Variants in CDK19 observed in about 807,000 individuals in gnomAD.
The protein encoded by CDK19 is cyclin-dependent kinase 19.
In CDK19, 20 loss-of-function variants were observed where a neutral mutation model predicts 68.3. That is an observed-to-expected ratio of 0.29 (90% CI 0.21 to 0.43). The LOEUF (loss-of-function observed/expected upper bound fraction) is 0.43, where lower values mean the gene tolerates loss of function less well. Ranked by LOEUF, CDK19 falls within the 20% of genes least tolerant of loss-of-function variation. CDK19 has a pLI of 1.00. For synonymous variants in CDK19, 221 were observed against 222.8 expected (o/e 0.99, Z 0.07); for missense variants, 339 against 623.5 (o/e 0.54, Z 4.86).
intron 1 of CDK19, among the ~76,000 whole-genome samples, chr6:110,752,064 A>G (rs990042459): frequency 6.6e-6 from 1 of 152,198 alleles, no homozygotes; most frequent in African/African-American, 2.4e-5. Flanking sequence ...TAACAAAAAA[A>G]AAAAGATCAT....
chr6:110,804,751 C>T (rs866618332), intron 1 of CDK19, among the ~76,000 whole-genome samples: 71 of 150,096 alleles, frequency 4.7e-4, no homozygotes, highest in Middle Eastern at 3.4e-3. Context: ...GTCAGGAGAA[C>T]GAGACCATCC....
rs955427274 is a variant in CDK19 at position 110,635,609 on chromosome 6, G to A, written c.514+3040C>T. ...GGCTGGAGTGCAGTGGCATGATCTC[G>A]GCTCACTGCAACCTCCGCCTCCCGG... is the stretch of plus-strand genomic sequence containing the variant. On this transcript the variant is annotated intron_variant, in intron 5 of 12. Transcript: ENST00000368911. Among the ~76,000 whole-genome samples the A allele has an allele frequency of 3.9e-5, 6 of 152,036 alleles. No individual in the cohort carries two copies. In the East Asian group the frequency reaches 5.8e-4, roughly 15 times the overall value.
chr6:110,642,009 A>T (rs1449322045), intron 4 of CDK19, among the ~76,000 whole-genome samples: 1 of 152,212 alleles, frequency 6.6e-6, no homozygotes, highest in African/African-American at 2.4e-5. Context: ...ATACCAGATT[A>T]AGGAAATTGG....
At chr6:110,640,140 G>C (rs1024756376) in intron 4 of CDK19, among the ~76,000 whole-genome samples, 9 of 148,480 alleles carry the variant, frequency 6.1e-5, no homozygotes, top group Non-Finnish European at 1.3e-4. Context: ...AGGATTGCTT[G>C]AGTCTAGCAG....
intron 4 of CDK19, among the ~76,000 whole-genome samples, chr6:110,663,242 A>AT (rs1257771674): frequency 6.6e-6 from 1 of 152,248 alleles, no homozygotes; most frequent in Non-Finnish European, 1.5e-5. Context: ...AAAATGAAGC[A>AT]TTAAGAAAAA....
intron 4 of CDK19, among the ~76,000 whole-genome samples, chr6:110,653,939 C>T (rs1200671250): frequency 2.6e-5 from 4 of 152,054 alleles, no homozygotes; most frequent in African/African-American, 9.7e-5. Context: ...TTTCTCCCAC[C>T]CCAAGACATT....
chr6:110,729,433 G>A (rs200163679), intron 2 of CDK19, among the ~76,000 whole-genome samples: 1 of 140,768 alleles, frequency 7.1e-6, no homozygotes, highest in Non-Finnish European at 1.6e-5. Flanking sequence ...TTTGTTGTTT[G>A]TTTATTTATT....
chr6:110,624,379 T>C (rs140092684), intron 8 of CDK19, among the ~76,000 whole-genome samples: 2 of 152,246 alleles, frequency 1.3e-5, no homozygotes, highest in Admixed American at 6.5e-5. Context: ...TATTCTTTCC[T>C]ACATATGAAA....
At chr6:110,814,729 G>GT (rs751886655) in intron 1 of CDK19, 8 of 617,444 alleles carry the variant, frequency 1.3e-5, no homozygotes, top group South Asian at 1.2e-4. Flanking sequence ...CCCAACTCGA[G>GT]TCCCCCCGCC....
chr6:110,801,672 C>A (rs1219883952), intron 1 of CDK19, among the ~76,000 whole-genome samples: 3 of 151,992 alleles, frequency 2.0e-5, no homozygotes, highest in Non-Finnish European at 4.4e-5. Flanking sequence ...CCACTGCACC[C>A]GGCTAATTTT....
chr6:110,725,643 T>C (rs1161167565), intron 2 of CDK19, among the ~76,000 whole-genome samples: 1 of 152,150 alleles, frequency 6.6e-6, no homozygotes, highest in Non-Finnish European at 1.5e-5. Context: ...AAGGGTAATA[T>C]GGGCATTGCA....
At chr6:110,756,933 C>G (rs1342487804) in intron 1 of CDK19, among the ~76,000 whole-genome samples, 19 of 152,102 alleles carry the variant, frequency 1.2e-4, no homozygotes, top group Admixed American at 1.2e-3. Flanking sequence ...AACTGGAGTT[C>G]AGAAAAGAGA....
chr6:110,812,603 G>A (rs1313285070), intron 1 of CDK19, among the ~76,000 whole-genome samples: 1 of 151,824 alleles, frequency 6.6e-6, no homozygotes, highest in Non-Finnish European at 1.5e-5. Context: ...TTCTTCTAAA[G>A]ACCTGAACAA....
chr6:110,796,765 T>G (rs1451834485), intron 1 of CDK19, among the ~76,000 whole-genome samples: 2 of 152,048 alleles, frequency 1.3e-5, no homozygotes, highest in Non-Finnish European at 2.9e-5. Context: ...TCCCAGCACT[T>G]TGGGAGGCCA....
chr6:110,646,513 A>G, intron 4 of CDK19: 1 of 1,354,684 alleles, frequency 7.4e-7, no homozygotes, highest in Non-Finnish European at 9.8e-7. Context: ...TGCCCTGGGA[A>G]ACCGACGTGC....
At chr6:110,740,859 C>A (rs138877874) in intron 2 of CDK19, among the ~76,000 whole-genome samples, 1 of 152,284 alleles carries the variant, frequency 6.6e-6, no homozygotes, top group Non-Finnish European at 1.5e-5. Context: ...ATCTATCAGT[C>A]CCTCTTAGCC....
intron 2 of CDK19, among the ~76,000 whole-genome samples, chr6:110,699,424 C>CAAAA (rs34728164): frequency 2.1e-5 from 2 of 93,750 alleles, no homozygotes. Context: ...GACTTCGTCT[C>CAAAA]AAAAAAAAAA....
chr6:110,814,333 C>G (rs1258510749), intron 1 of CDK19, among the ~76,000 whole-genome samples: 1 of 152,232 alleles, frequency 6.6e-6, no homozygotes, highest in Non-Finnish European at 1.5e-5. Context: ...ACGCAGCTAG[C>G]CCATCAGGTC....
intron 2 of CDK19, among the ~76,000 whole-genome samples, chr6:110,745,895 G>A (rs749621331): frequency 6.6e-6 from 1 of 152,130 alleles, no homozygotes; most frequent in Non-Finnish European, 1.5e-5. Flanking sequence ...TTGAGCCTAG[G>A]AGGTTCACGC....
Sources: gnomAD v4.1 joint callset for allele counts (sites outside exome capture counted in the v4.1 genomes callset) on GRCh38, gnomAD v4.1.1 for gene constraint, MANE v1.5 for transcripts, NCBI Gene and HGNC (gene_info 2026-07-23, HGNC 2026-07-21) for gene names.